Variants in PRKD1 observed in about 807,000 individuals in gnomAD.
The protein encoded by PRKD1 is protein kinase D1, also known as serine/threonine-protein kinase D1.
A neutral mutation model predicts 95.9 loss-of-function variants in PRKD1; 63 were observed. The ratio of observed to expected loss-of-function variants is 0.66; its 90% CI spans 0.54 to 0.81. The LOEUF (loss-of-function observed/expected upper bound fraction) is 0.81. PRKD1 is among the 30% of genes least tolerant of loss of function. The pLI, the probability that PRKD1 is intolerant of heterozygous loss-of-function variation, is 0.00. For synonymous variants in PRKD1, 425 were observed against 423.1 expected (o/e 1.00, Z -0.05); for missense variants, 1,048 against 1,165.3 (o/e 0.90, Z 1.47).
intron 16 of PRKD1, among the ~76,000 whole-genome samples, chr14:29,585,678 A>C (rs1291274320): frequency 6.6e-6 from 1 of 152,202 alleles, no homozygotes; most frequent in African/African-American, 2.4e-5. Context: ...AGAGCATCAC[A>C]ACCTTACAAA....
chr14:29,658,137 C>G (rs1416766109), intron 4 of PRKD1, among the ~76,000 whole-genome samples: 1 of 152,134 alleles, frequency 6.6e-6, no homozygotes, highest in African/African-American at 2.4e-5. Flanking sequence ...ATATCTGATA[C>G]CCAAAGTGTA....
At chr14:29,725,823 G>C in intron 1 of PRKD1, 149 bp from the exon 2 acceptor site, 1 of 790,672 alleles carries the variant, frequency 1.3e-6, no homozygotes, top group East Asian at 3.0e-5. Context: ...ATAAATAAAT[G>C]GTAGAGTTGA....
chr14:29,619,954 T>C (rs980593215), intron 13 of PRKD1, among the ~76,000 whole-genome samples: 2 of 151,898 alleles, frequency 1.3e-5, no homozygotes, highest in African/African-American at 4.8e-5. Flanking sequence ...CAAAACAGCA[T>C]GGTACTGGTA....
At chr14:29,765,026 C>T (rs1176400011) in intron 1 of PRKD1, among the ~76,000 whole-genome samples, 1 of 152,100 alleles carries the variant, frequency 6.6e-6, no homozygotes, top group Admixed American at 6.6e-5. Flanking sequence ...ATTACTAAAA[C>T]CCCCAAAGAA....
intron 1 of PRKD1, among the ~76,000 whole-genome samples, chr14:29,903,674 T>G (rs1894398169): frequency 6.6e-6 from 1 of 152,128 alleles, no homozygotes; most frequent in African/African-American, 2.4e-5. Flanking sequence ...AATACTTACC[T>G]TTAAAATAAT....
At chr14:29,637,509 TCAA>T (rs1043478152) in intron 6 of PRKD1, among the ~76,000 whole-genome samples, 6 of 152,156 alleles carry the variant, frequency 3.9e-5, no homozygotes, top group African/African-American at 1.2e-4. Flanking sequence ...TTCAAAGTAA[TCAA>T]CAACATCAAA....
chr14:29,737,249 G>A (rs1886765572), intron 1 of PRKD1, among the ~76,000 whole-genome samples: 2 of 146,278 alleles, frequency 1.4e-5, no homozygotes, highest in South Asian at 2.2e-4. Flanking sequence ...GTGAACCCGG[G>A]AAGCGGAGCT....
At chr14:29,657,062 A>C (rs2139193528) in intron 4 of PRKD1, among the ~76,000 whole-genome samples, 1 of 152,316 alleles carries the variant, frequency 6.6e-6, no homozygotes, top group African/African-American at 2.4e-5. Flanking sequence ...AAGGAGAAAA[A>C]CATGCCTACA....
chr14:29,652,097 AT>A (rs1376620764), intron 4 of PRKD1, among the ~76,000 whole-genome samples: 1 of 152,124 alleles, frequency 6.6e-6, no homozygotes, highest in East Asian at 1.9e-4. Flanking sequence ...GCAGTCGGTA[AT>A]TAAGGGAGCA....
At chr14:29,599,559 G>A in intron 14 of PRKD1, 97 bp downstream of exon 14, 1 of 1,154,246 alleles carries the variant, frequency 8.7e-7, no homozygotes, top group Non-Finnish European at 1.2e-6. Flanking sequence ...TAGACTGGAG[G>A]TAGGGACTAA....
At chr14:29,866,770 G>C (rs1892922261) in intron 1 of PRKD1, among the ~76,000 whole-genome samples, 1 of 152,182 alleles carries the variant, frequency 6.6e-6, no homozygotes. Flanking sequence ...TGTGGCAGAG[G>C]TAGGAGGTTA....
At position 29,791,093 on chromosome 14, in the gene PRKD1, A is replaced by G. The variant is rs984173412; in HGVS notation, c.265-65419T>C. Among the ~76,000 whole-genome samples the G allele has an allele frequency of 3.9e-5, 6 of 152,190 alleles. No homozygotes were observed. In the East Asian group the frequency reaches 1.2e-3, roughly 29 times the overall value. On this transcript the variant is annotated intron_variant, in intron 1 of 17. Transcript: ENST00000331968. ...ACTTCAACAAATACATACACAAAAT[A>G]AATATGAACCAGTGTATAAACCAAT...
intron 1 of PRKD1, among the ~76,000 whole-genome samples, chr14:29,886,618 G>A (rs1182277277): frequency 1.3e-5 from 2 of 152,198 alleles, no homozygotes; most frequent in Non-Finnish European, 2.9e-5. Flanking sequence ...ACTCAGCCAT[G>A]CAATGAAAAA....
Position 29,687,196 on chromosome 14 carries a change from T to C in PRKD1, c.404-20988A>G, listed in dbSNP as rs45453295. Among the ~76,000 whole-genome samples the C allele has an allele frequency of 1.1e-3, 163 of 152,318 alleles. 3 individuals carry two copies. In the East Asian group the frequency reaches 0.016, roughly 15 times the overall value. On this transcript the variant is annotated intron_variant, in intron 2 of 17. Coordinates refer to ENST00000331968, the MANE Select transcript of PRKD1 (RefSeq NM_002742.3). ...TTGCATAGTATTTGAAAACACTCTC[T>C]AATCTCTTATGATAATGCATGAGGA...
At chr14:29,677,340 A>G (rs1883289486) in intron 2 of PRKD1, among the ~76,000 whole-genome samples, 1 of 152,184 alleles carries the variant, frequency 6.6e-6, no homozygotes, top group Non-Finnish European at 1.5e-5. Flanking sequence ...GGCTTTCAGT[A>G]TGGATAAATT....
At position 29,688,948 on chromosome 14, in the gene PRKD1, C is replaced by CAAAAAAAA. The variant is rs377212196; in HGVS notation, c.404-22748_404-22741dup. Among the ~76,000 whole-genome samples, 4 of 32,490 alleles carry CAAAAAAAA rather than the reference C, an allele frequency of 1.2e-4. 1 individual carries two copies. In the Admixed American group the frequency reaches 1.2e-3, roughly 10 times the overall value. 21.3% of individuals were successfully genotyped at this position (32,490 alleles called of 152,430 possible). On this transcript the variant is annotated intron_variant, in intron 2 of 17. Coordinates refer to ENST00000331968, the MANE Select transcript of PRKD1 (RefSeq NM_002742.3). Reference sequence around the variant, plus strand: ...TGGGTGATAGAGCGAGACTCCGTCTCAAAAAAAAAAAAAAAAAAAAAAAAA... The same window carrying CAAAAAAAA: ...TGGGTGATAGAGCGAGACTCCGTCTCAAAAAAAAAAAAAAAAAAAAAAAAAAAAAAAAA...
intron 1 of PRKD1, among the ~76,000 whole-genome samples, chr14:29,904,927 AAAAAGCC>A: frequency 6.6e-6 from 1 of 152,354 alleles, no homozygotes; most frequent in Non-Finnish European, 1.5e-5. Flanking sequence ...CAACTTGGAC[AAAAAGCC>A]AATAAATCAA....
chr14:29,681,070 C>CA (rs943394191), intron 2 of PRKD1, among the ~76,000 whole-genome samples: 2 of 151,858 alleles, frequency 1.3e-5, no homozygotes, highest in Non-Finnish European at 2.9e-5. Context: ...AAATGAGAAA[C>CA]AAAAAAGGTG....
chr14:29,715,891 C>T (rs997537026), intron 2 of PRKD1, among the ~76,000 whole-genome samples: 5 of 152,130 alleles, frequency 3.3e-5, no homozygotes, highest in African/African-American at 4.8e-5. Flanking sequence ...AAGCCACATG[C>T]GTTTTAGAAG....
Sources: allele counts gnomAD v4.1 joint callset (sites outside exome capture counted in the v4.1 genomes callset), GRCh38; gene constraint gnomAD v4.1.1; transcripts MANE v1.5; gene names NCBI Gene and HGNC (gene_info 2026-07-23, HGNC 2026-07-21).